Variants in BCAR1 observed in about 807,000 individuals in gnomAD.
BCAR1 encodes breast cancer anti-estrogen resistance protein 1.
BCAR1 carries 30 observed loss-of-function variants against 67.6 expected under a neutral mutation model. That is an observed-to-expected ratio of 0.44 (90% CI 0.33 to 0.60). The LOEUF is 0.60. Among genes scored for constraint, BCAR1 ranks in the 20% least tolerant of loss-of-function variants. The pLI, the probability that BCAR1 is intolerant of heterozygous loss-of-function variation, is 0.02. For missense variants in BCAR1, 1,313 were observed against 1,222.3 expected, an observed-to-expected ratio of 1.07 and a Z score of -1.11; for synonymous variants, 626 against 556.7, an observed-to-expected ratio of 1.12 and a Z score of -1.75.
chr16:75,230,990 C>T (rs775127696), intron 6 of BCAR1, among the ~76,000 whole-genome samples: 2 of 150,678 alleles, frequency 1.3e-5, no homozygotes, highest in Non-Finnish European at 2.9e-5. Context: ...GTCCAGGCTG[C>T]AGTGAGCCCT....
At chr16:75,238,606 G>A (rs530157699) in intron 2 of BCAR1, 12 of 988,740 alleles carry the variant, frequency 1.2e-5, no homozygotes, top group East Asian at 1.1e-4. Flanking sequence ...CCCCCGCAGC[G>A]CAGCAGAACT....
rs765618168 is a variant in BCAR1 at position 75,242,632 on chromosome 16, A to C, written c.471T>G (p.Phe157Leu). Residue 157 changes from phenylalanine (F) to leucine (L), a missense_variant, in exon 2 of 7, where the codon TTT (phenylalanine) becomes TTG (leucine). Phe to Leu is a conservative substitution (Grantham distance 22). This residue lies in a region of BCAR1 where 1,272 missense variants were observed against 1,137.5 expected (regional missense o/e 1.12). Transcript: ENST00000162330. Reference protein sequence around the residue: ...TFSKQTPHHPFPSPATDLYQV... With the variant: ...TFSKQTPHHPLPSPATDLYQV... Reference sequence around the variant, plus strand: ...GGTACAGGTCTGTGGCCGGGCTGGGAAACGGGTGATGGGGTGTCTGCTTCG... The same window carrying C: ...GGTACAGGTCTGTGGCCGGGCTGGGCAACGGGTGATGGGGTGTCTGCTTCG... The C allele has an allele frequency of 4.6e-6, 7 of 1,513,164 alleles. No homozygotes were observed. The highest frequency in any genetic ancestry group is 3.8e-4 in the Middle Eastern group (2 of 5,286). 93.7% of individuals were successfully genotyped at this position (1,513,164 alleles called of 1,614,324 possible).
In BCAR1 at chr16:75,256,713, C is replaced by G. The variant is rs139593433; in HGVS notation, c.66+11202G>C. Among the ~76,000 whole-genome samples, 532 of 152,030 alleles carry G rather than the reference C, an allele frequency of 3.5e-3. 2 individuals are homozygous for G. Among genetic ancestry groups the G allele is most frequent in the African/African-American group, 0.011 (475 of 41,474 alleles). ...GAGAGGGGCTCAGCTCACAGCCGCCCGAGGCCGGTGTGAGCCAGCAAGGCA... is the reference window on the plus strand; with the variant it reads ...GAGAGGGGCTCAGCTCACAGCCGCCGGAGGCCGGTGTGAGCCAGCAAGGCA... On this transcript the variant is annotated intron_variant, in intron 1 of 6. Coordinates refer to the BCAR1 transcript ENST00000393422.
intron 1 of BCAR1, among the ~76,000 whole-genome samples, chr16:75,258,378 C>G (rs1360827301): frequency 6.6e-6 from 1 of 152,218 alleles, no homozygotes; most frequent in Admixed American, 6.5e-5. Context: ...TGCCCTGAGG[C>G]AAGTAGGAAG....
chr16:75,257,920 G>C (rs1015448308), intron 1 of BCAR1, among the ~76,000 whole-genome samples: 4 of 152,212 alleles, frequency 2.6e-5, no homozygotes, highest in Non-Finnish European at 5.9e-5. Context: ...AGATATTAAT[G>C]ACTCCAACTC....
upstream of BCAR1, among the ~76,000 whole-genome samples, chr16:75,254,659 A>C (rs570975746): frequency 6.6e-6 from 1 of 152,362 alleles, no homozygotes; most frequent in South Asian, 2.1e-4. Flanking sequence ...GGTTGTTGCC[A>C]GACCAAGGGA....
At chr16:75,243,294 T>C (rs1234772114) in intron 1 of BCAR1, among the ~76,000 whole-genome samples, 4 of 152,100 alleles carry the variant, frequency 2.6e-5, no homozygotes, top group Non-Finnish European at 5.9e-5. Flanking sequence ...CTGGCCTTTC[T>C]TTCAACTGCA....
In BCAR1 at chr16:75,235,603, G is replaced by T; in HGVS notation, c.1296C>A (p.Thr432=). 6.3e-7 allele frequency: 1 copy of T among 1,593,320 alleles called. No homozygotes were observed. Among genetic ancestry groups the T allele is most frequent in the Non-Finnish European group, 8.6e-7 (1 of 1,169,220 alleles). ...CAGACTGGCTGCTGCGTGTGCTGCC[G>T]GTGCTGGAGGCCGACAGGCGCTTGC... is the stretch of plus-strand genomic sequence containing the variant. ...AEGKRLSASS[T]GSTRSSQSAS... The change falls in exon 5 of 7, where the codon ACC becomes ACA. Residue 432 remains threonine (T), a synonymous_variant. Coordinates refer to ENST00000162330, the MANE Select transcript of BCAR1 (RefSeq NM_014567.5).
chr16:75,239,480 C>A (rs1433689285), intron 2 of BCAR1, among the ~76,000 whole-genome samples: 1 of 152,204 alleles, frequency 6.6e-6, no homozygotes, highest in Non-Finnish European at 1.5e-5. Context: ...TACATCCCAG[C>A]CTCCCGGTAA....
intron 1 of BCAR1, among the ~76,000 whole-genome samples, chr16:75,262,891 G>C (rs554314074): frequency 1.3e-5 from 2 of 152,128 alleles, no homozygotes; most frequent in Admixed American, 6.5e-5. Context: ...ACTCATCTTC[G>C]GGAAGCCACA....
At chr16:75,242,364 A>C (rs1295926994) in intron 2 of BCAR1, 106 bp downstream of exon 2, 44 of 1,310,650 alleles carry the variant, frequency 3.4e-5, no homozygotes, top group Non-Finnish European at 4.1e-5. Flanking sequence ...ACACACAGCC[A>C]CTCCTGGAAT....
intron 1 of BCAR1, among the ~76,000 whole-genome samples, chr16:75,250,442 AAAG>A (rs1366549143): frequency 2.6e-5 from 4 of 152,158 alleles, no homozygotes; most frequent in African/African-American, 9.7e-5. Context: ...TCTCACTAGC[AAAG>A]AAGAGATCAA....
At chr16:75,265,982 C>A in intron 1 of BCAR1, 1 of 1,052,184 alleles carries the variant, frequency 9.5e-7, no homozygotes, top group South Asian at 4.5e-5. Flanking sequence ...GCCGGACTGT[C>A]CGGCCGCTCC....
Position 75,242,695 on chromosome 16 carries a change from C to G in BCAR1, c.408G>C (p.Gln136His), listed in dbSNP as rs753135434. The change falls in exon 2 of 7, where the codon CAG (glutamine) becomes CAC (histidine). Residue 136 changes from glutamine (Q) to histidine (H), a missense_variant. Gln to His is a conservative substitution (Grantham distance 24). Transcript: ENST00000162330. ...TCTGCTTGGCTGGGGGAGACTGGAA[C>G]TGAGGGCTGGGACCCGGGACTTGGT... Reference protein sequence around the residue: ...GLYQVPGPSPQFQSPPAKQTS... With the variant: ...GLYQVPGPSPHFQSPPAKQTS... The G allele has an allele frequency of 6.5e-7, 1 of 1,546,734 alleles. No individual in the cohort carries two copies. The highest frequency in any genetic ancestry group is 8.7e-7 in the Non-Finnish European group (1 of 1,148,924).
chr16:75,257,147 G>A (rs2077796936), intron 1 of BCAR1, among the ~76,000 whole-genome samples: 1 of 152,176 alleles, frequency 6.6e-6, no homozygotes, highest in Non-Finnish European at 1.5e-5. Flanking sequence ...TGGCCGGGTG[G>A]GCAGGGATGA....
intron 1 of BCAR1, among the ~76,000 whole-genome samples, chr16:75,260,451 T>C (rs927745926): frequency 8.5e-5 from 13 of 152,140 alleles, no homozygotes; most frequent in African/African-American, 3.1e-4. Context: ...CTGGCCAACA[T>C]GGTGAAACCG....
At chr16:75,262,392 T>C (rs1361019626) in intron 1 of BCAR1, among the ~76,000 whole-genome samples, 1 of 152,048 alleles carries the variant, frequency 6.6e-6, no homozygotes, top group Admixed American at 6.5e-5. Flanking sequence ...AAATGGACAA[T>C]GGCAGACGGC....
Position 75,235,427 on chromosome 16 carries a change from C to T in BCAR1, c.1472G>A (p.Arg491His), listed in dbSNP as rs16957558. 0.028 allele frequency: 45,557 copies of T among 1,608,116 alleles called. 1,058 individuals carry two copies. Among genetic ancestry groups the T allele is most frequent in the Middle Eastern group, 0.1 (628 of 6,052 alleles). Residue 491 changes from arginine (R) to histidine (H), a missense_variant, in exon 5 of 7, where the codon CGT becomes CAT. Arg to His is a conservative substitution (Grantham distance 29). Transcript: ENST00000162330. Reference protein sequence around the residue: ...AGSAGATGSWRSPSEPQEPLV... With the variant: ...AGSAGATGSWHSPSEPQEPLV... ...CGGCTCCTGTGGCTCAGAGGGGCTACGCCAGCTCCCAGTCGCACCGGCGCT... is the reference window on the plus strand; with the variant it reads ...CGGCTCCTGTGGCTCAGAGGGGCTATGCCAGCTCCCAGTCGCACCGGCGCT...
rs559413098 is a variant in BCAR1, at chr16:75,242,339, T to C, written c.633+131A>G. 2.2e-5 allele frequency: 28 copies of C among 1,283,690 alleles called. 1 individual carries two copies. The South Asian group carries it at 8.7e-4, about 40-fold the overall frequency. 79.5% of individuals were successfully genotyped at this position (1,283,690 alleles called of 1,614,324 possible). On this transcript the variant is annotated intron_variant, in intron 2 of 6. Transcript: ENST00000162330. ...ACCCCCCAAACACTCACTTCCCACT[T>C]TGACCCCAGACCAAACACACAGCCA...
Sources: allele counts gnomAD v4.1 joint callset (sites outside exome capture counted in the v4.1 genomes callset), GRCh38; gene constraint gnomAD v4.1.1; regional missense constraint gnomAD v4.1.1; transcripts MANE v1.5; gene names NCBI Gene and HGNC (gene_info 2026-07-23, HGNC 2026-07-21).